The following NT5DC1 variants were observed in gnomAD, a reference collection of about 807,000 sequenced individuals.
NT5DC1 encodes the protein 5'-nucleotidase domain containing 1.
A neutral mutation model predicts 59.4 loss-of-function variants in NT5DC1; 42 were observed. The ratio of observed to expected loss-of-function variants is 0.71; its 90% CI spans 0.55 to 0.92. NT5DC1 has a LOEUF of 0.92. Ranked by LOEUF, NT5DC1 falls within the 40% of genes least tolerant of loss-of-function variation. The pLI is 0.00. For missense variants in NT5DC1, 501 were observed against 537.1 expected (o/e 0.93, Z 0.66); for synonymous variants, 172 against 188.1 (o/e 0.91, Z 0.70).
intron 6 of NT5DC1, among the ~76,000 whole-genome samples, chr6:116,218,963 G>A (rs994618150): frequency 2.6e-5 from 4 of 152,130 alleles, no homozygotes; most frequent in Non-Finnish European, 5.9e-5. Flanking sequence ...GGTACTTCCA[G>A]TGGTGGTTAG....
At chr6:116,154,769 C>G (rs1225259048) in intron 6 of NT5DC1, among the ~76,000 whole-genome samples, 1 of 152,162 alleles carries the variant, frequency 6.6e-6, no homozygotes, top group Admixed American at 6.5e-5. Context: ...AAAAACAAAG[C>G]ACCGTTTGAT....
At chr6:116,121,855 A>G in intron 6 of NT5DC1, 1 of 1,613,764 alleles carries the variant, frequency 6.2e-7, no homozygotes, top group African/African-American at 1.3e-5. Flanking sequence ...GGAGTCCAGG[A>G]CTTCCGTAGC....
chr6:116,106,291 C>T lies in NT5DC1; in HGVS notation c.141C>T (p.Tyr47=), dbSNP rs1464091813. The change falls in exon 2 of 12, where the codon TAC becomes TAT. Residue 47 remains tyrosine (Y), a synonymous_variant. Coordinates refer to ENST00000319550, the MANE Select transcript of NT5DC1 (RefSeq NM_152729.3). ...AGTTCCTAGTTAAGGAGAAAGGGTA[C>T]GATAAGGAATTGCTCAATGTGACCC... ...FAQFLVKEKG[Y]DKELLNVTPE... 1.8e-5 allele frequency: 29 copies of T among 1,583,330 alleles called. No homozygotes were observed. Among genetic ancestry groups the T allele is most frequent in the East Asian group, 9.0e-5 (4 of 44,548 alleles).
At chr6:116,106,979 C>T (rs935633762) in intron 2 of NT5DC1, among the ~76,000 whole-genome samples, 1 of 151,978 alleles carries the variant, frequency 6.6e-6, no homozygotes, top group African/African-American at 2.4e-5. Context: ...TTGCTTGAGT[C>T]TAGGAGTTGG....
chr6:116,157,650 C>T (rs1780229786), intron 6 of NT5DC1, among the ~76,000 whole-genome samples: 1 of 152,102 alleles, frequency 6.6e-6, no homozygotes, highest in Non-Finnish European at 1.5e-5. Flanking sequence ...GAGGGTGTCT[C>T]CCTGCCTTCC....
In NT5DC1 at chr6:116,163,141, A is replaced by AAAAAAAAATAT. The variant is rs761718922; in HGVS notation, c.529+45197_529+45198insAAAAAAATATA. ...GACTCCGTCTCAAAAAAAAAAAAAAAATATATATATATATATATATATTAG... is the reference window on the plus strand; with the variant it reads ...GACTCCGTCTCAAAAAAAAAAAAAAAAAAAAAAATATATATATATATATATATATATATTAG... On this transcript the variant is annotated intron_variant, in intron 6 of 11. Coordinates refer to ENST00000319550, the MANE Select transcript of NT5DC1 (RefSeq NM_152729.3). 9.6e-3 allele frequency among the ~76,000 whole-genome samples: 849 copies of AAAAAAAAATAT among 88,204 alleles called. 46 individuals carry two copies. The highest frequency in any genetic ancestry group is 0.047 in the African/African-American group (804 of 17,168). 57.9% of individuals were successfully genotyped at this position (88,204 alleles called of 152,430 possible). A position where few individuals can be genotyped will look rare whatever the true frequency, so the allele number is the denominator to read the frequency against.
intron 11 of NT5DC1, among the ~76,000 whole-genome samples, chr6:116,240,754 A>C (rs1190537562): frequency 2.6e-5 from 4 of 152,260 alleles, no homozygotes; most frequent in Non-Finnish European, 5.9e-5. Flanking sequence ...AACAGAGGAG[A>C]GTCAAAGACA....
At chr6:116,230,708 C>T (rs928833438) in intron 8 of NT5DC1, among the ~76,000 whole-genome samples, 6 of 152,140 alleles carry the variant, frequency 3.9e-5, no homozygotes, top group Admixed American at 1.3e-4. Context: ...ACCTCCTTTG[C>T]GATACCTTCC....
At chr6:116,141,011 T>C (rs1179160754) in intron 6 of NT5DC1, among the ~76,000 whole-genome samples, 1 of 152,178 alleles carries the variant, frequency 6.6e-6, no homozygotes, top group Non-Finnish European at 1.5e-5. Flanking sequence ...ATTTTTCTGC[T>C]TCACTGGCTA....
chr6:116,191,915 G>C (rs1331677564), intron 6 of NT5DC1, among the ~76,000 whole-genome samples: 1 of 152,000 alleles, frequency 6.6e-6, no homozygotes, highest in Admixed American at 6.6e-5. Context: ...AATCAGTTTT[G>C]CTGCTTCCTG....
At chr6:116,137,131 C>A in intron 6 of NT5DC1, 2 of 209,412 alleles carry the variant, frequency 9.6e-6, no homozygotes, top group South Asian at 1.0e-4. Context: ...TCGGTGGGGT[C>A]TCCTTTTCTG....
intron 8 of NT5DC1, among the ~76,000 whole-genome samples, chr6:116,223,741 C>T (rs1423755680): frequency 6.6e-6 from 1 of 152,186 alleles, no homozygotes; most frequent in East Asian, 1.9e-4. Context: ...GTTTTGATAT[C>T]TGTTGTGTCT....
At chr6:116,187,240 A>T (rs892532633) in intron 6 of NT5DC1, among the ~76,000 whole-genome samples, 1 of 152,102 alleles carries the variant, frequency 6.6e-6, no homozygotes, top group Non-Finnish European at 1.5e-5. Flanking sequence ...AGCTGTGGCT[A>T]CCAGCACCTG....
intron 6 of NT5DC1, 139 bp from the exon 7 acceptor site, chr6:116,220,915 A>G (rs1291992953): frequency 1.9e-6 from 1 of 538,372 alleles, no homozygotes; most frequent in Non-Finnish European, 3.3e-6. Flanking sequence ...TAGTATTGGC[A>G]TAATTGCTAG....
chr6:116,183,660 G>A (rs1236992836), intron 6 of NT5DC1, among the ~76,000 whole-genome samples: 1 of 151,032 alleles, frequency 6.6e-6, no homozygotes, highest in Non-Finnish European at 1.5e-5. Context: ...TTTTTTTGCA[G>A]CTTTTATAAA....
At chr6:116,139,094 A>G (rs1779698897) in intron 6 of NT5DC1, among the ~76,000 whole-genome samples, 1 of 152,166 alleles carries the variant, frequency 6.6e-6, no homozygotes, top group Non-Finnish European at 1.5e-5. Context: ...CTTATGATTT[A>G]TAGCACAACT....
chr6:116,202,471 A>G (rs373816629), intron 6 of NT5DC1, among the ~76,000 whole-genome samples: 1 of 151,994 alleles, frequency 6.6e-6, no homozygotes, highest in South Asian at 2.1e-4. Context: ...TCTTGATTCC[A>G]CCTTTAAGAG....
At chr6:116,136,420 A>G (rs1264031101) in intron 6 of NT5DC1, among the ~76,000 whole-genome samples, 1 of 151,812 alleles carries the variant, frequency 6.6e-6, no homozygotes, top group South Asian at 2.1e-4. Flanking sequence ...AATTCTAAAA[A>G]CCATTCTTAG....
At chr6:116,222,905 A>G in intron 7 of NT5DC1, 129 bp from the exon 8 acceptor site, 1 of 590,364 alleles carries the variant, frequency 1.7e-6, no homozygotes. Flanking sequence ...GAAAAATATA[A>G]AGCATGTAAA....
Sources: allele counts gnomAD v4.1 joint callset (sites outside exome capture counted in the v4.1 genomes callset), GRCh38; gene constraint gnomAD v4.1.1; transcripts MANE v1.5; gene names NCBI Gene and HGNC (gene_info 2026-07-23, HGNC 2026-07-21).